INTS2: variants seen among roughly 807,000 people sequenced by gnomAD.
INTS2 encodes KIAA1287.
A neutral mutation model predicts 139.6 loss-of-function variants in INTS2; 57 were observed. The observed-to-expected ratio is 0.41, with a 90% CI of 0.33 to 0.51. The LOEUF is 0.51. INTS2 is among the 20% of genes least tolerant of loss of function. The pLI is 0.28. For missense variants in INTS2, 1,196 were observed against 1,436.7 expected (o/e 0.83, Z 2.71); for synonymous variants, 473 against 493.4 (o/e 0.96, Z 0.55).
intron 5 of INTS2, among the ~76,000 whole-genome samples, chr17:61,914,360 A>T (rs1342125841): frequency 1.3e-5 from 2 of 152,132 alleles, no homozygotes; most frequent in Admixed American, 6.6e-5. Flanking sequence ...AGTCTGAGAC[A>T]GCACGGGTAA....
intron 15 of INTS2, among the ~76,000 whole-genome samples, chr17:61,887,659 A>G (rs2145921965): frequency 6.6e-6 from 1 of 152,308 alleles, no homozygotes; most frequent in East Asian, 1.9e-4. Context: ...AAATTTAACA[A>G]AATTATTATA....
Position 61,925,034 on chromosome 17 carries a change from A to G in INTS2, c.359T>C (p.Leu120Ser), listed in dbSNP as rs773774292. 3.7e-6 allele frequency: 6 copies of G among 1,613,686 alleles called. No individual in the cohort carries two copies. The highest frequency in any genetic ancestry group is 5.1e-6 in the Non-Finnish European group (6 of 1,179,772). ...AGGTGAATCACTGTGTTCAAACTCT[A>G]ACGTCAGTCCATGCTGAAGCTGTGA... is the stretch of plus-strand genomic sequence containing the variant. ...LVSQLQHGLT[L>S]EFEHSDSPRR... is the part of the protein sequence containing the mutation. Residue 120 changes from leucine to serine, a missense_variant, in exon 3 of 25, where the codon TTA becomes TCA. Coordinates refer to ENST00000251334, the MANE Select transcript of INTS2 (RefSeq NM_001351695.2).
chr17:61,913,928 C>A (rs1313314631), intron 5 of INTS2, among the ~76,000 whole-genome samples: 1 of 151,586 alleles, frequency 6.6e-6, no homozygotes, highest in African/African-American at 2.4e-5. Flanking sequence ...GTTTATAATT[C>A]ATGTAAAAGT....
In INTS2 at chr17:61,893,498, C is replaced by T. The variant is rs2079316740; in HGVS notation, c.1698+267G>A. Among the ~76,000 whole-genome samples the T allele has an allele frequency of 6.6e-6, 1 of 152,082 alleles. No homozygotes were observed. Among genetic ancestry groups the T allele is most frequent in the African/African-American group, 2.4e-5 (1 of 41,392 alleles). ...ATCACTTGAGGTCAGGAGTTCGACA[C>T]CAGCCAGCCAACACGGTGAAACCCT... On this transcript the variant is annotated intron_variant, in intron 13 of 24. Coordinates refer to ENST00000251334, the MANE Select transcript of INTS2 (RefSeq NM_001351695.2). The surrounding 1 kb of genome is among the most constrained non-coding windows in gnomAD (Gnocchi z 5.4).
At chr17:61,912,745 A>T (rs2079540616) in intron 5 of INTS2, among the ~76,000 whole-genome samples, 1 of 152,066 alleles carries the variant, frequency 6.6e-6, no homozygotes, top group Non-Finnish European at 1.5e-5. Context: ...GAAACATCAT[A>T]CGTCAACTTT....
chr17:61,903,839 G>A (rs536287813), intron 9 of INTS2, among the ~76,000 whole-genome samples: 1 of 152,022 alleles, frequency 6.6e-6, no homozygotes, highest in South Asian at 2.1e-4. Context: ...TTTAGGACAG[G>A]GAGAAAAAAG....
intron 8 of INTS2, among the ~76,000 whole-genome samples, chr17:61,905,238 G>A (rs530617716): frequency 6.6e-6 from 1 of 152,082 alleles, no homozygotes; most frequent in Admixed American, 6.5e-5. Flanking sequence ...ACTGTACCCA[G>A]CCAGGAATTT....
In INTS2 at chr17:61,893,727, G is replaced by A; in HGVS notation, c.1698+38C>T. On this transcript the variant is annotated intron_variant, in intron 13 of 24. Coordinates refer to ENST00000251334, the MANE Select transcript of INTS2 (RefSeq NM_001351695.2). The surrounding 1 kb of genome is among the most constrained non-coding windows in gnomAD (Gnocchi z 5.4). ...AAAAAATATATATATAAAAATGTAG[G>A]GGCATGCTTTTATTTTGTTTTATTT... The A allele has an allele frequency of 7.0e-7, 1 of 1,430,474 alleles. No homozygotes were observed. Among genetic ancestry groups the A allele is most frequent in the Non-Finnish European group, 9.3e-7 (1 of 1,081,066 alleles). 88.6% of individuals were successfully genotyped at this position (1,430,474 alleles called of 1,614,324 possible). A position where few individuals can be genotyped will look rare whatever the true frequency, so the allele number is the denominator to read the frequency against.
At chr17:61,901,762 T>G (rs944448535) in intron 9 of INTS2, among the ~76,000 whole-genome samples, 4 of 151,548 alleles carry the variant, frequency 2.6e-5, no homozygotes, top group African/African-American at 7.3e-5. Context: ...GGCTAATATT[T>G]TTTTGTATTT....
In INTS2 at chr17:61,876,546, G is replaced by T. The variant is rs542404422; in HGVS notation, c.2456+1341C>A. Among the ~76,000 whole-genome samples the T allele has an allele frequency of 6.6e-6, 1 of 151,800 alleles. No individual in the cohort carries two copies. Among genetic ancestry groups the T allele is most frequent in the Non-Finnish European group, 1.5e-5 (1 of 67,942 alleles). ...CTCCATCTCCTGGGCTCAAGCGATC[G>T]TCCTGCCTCAGCCCACCAAGTAGCT... On this transcript the variant is annotated intron_variant, in intron 18 of 24. Transcript: ENST00000251334. This position sits in a 1 kb window ranked among gnomAD's most constrained non-coding sequence, Gnocchi z 4.1.
rs766818263 is a variant in INTS2 at position 61,884,920 on chromosome 17, C to A, written c.2070G>T (p.Gly690=). The A allele has an allele frequency of 6.2e-7, 1 of 1,605,388 alleles. No individual in the cohort carries two copies. The highest frequency in any genetic ancestry group is 1.3e-5 in the African/African-American group (1 of 74,904). Residue 690 remains glycine, a synonymous_variant, in exon 16 of 25, where the codon GGG becomes GGT. Transcript: ENST00000251334. ...ACATACCTCCCAACTCCTGCTGCAG[C>A]CCTTGAGCCTGTCGAATAAGGAATT... ...PIKFLIRQAQ[G]LQQELGGLHS...
chr17:61,920,180 CT>C (rs772038233), intron 4 of INTS2, among the ~76,000 whole-genome samples: 199 of 119,130 alleles, frequency 1.7e-3, no homozygotes, highest in Non-Finnish European at 2.3e-3. Context: ...ATCTTATTTG[CT>C]TTTTTTTTTT....
Position 61,869,488 on chromosome 17 carries a change from A to G in INTS2, c.3031-108T>C. The G allele has an allele frequency of 1.1e-6, 1 of 914,808 alleles. No individual in the cohort carries two copies. The highest frequency in any genetic ancestry group is 1.7e-6 in the Non-Finnish European group (1 of 596,906). The allele number at this position is 914,808 out of a possible 1,614,324, so 56.7% of individuals were successfully genotyped here. ...TTCCTTTCTGTAAAAATTGCTCAGA[A>G]GGCTATAGTGCCCCATATGTAACCT... On this transcript the variant is annotated intron_variant, in intron 21 of 24. Coordinates refer to ENST00000251334, the MANE Select transcript of INTS2 (RefSeq NM_001351695.2). The surrounding 1 kb of genome is among the most constrained non-coding windows in gnomAD (Gnocchi z 5.4).
intron 3 of INTS2, 25 bp from the exon 4 acceptor site, chr17:61,921,852 T>A (rs771589072): frequency 8.8e-7 from 1 of 1,139,942 alleles, no homozygotes; most frequent in South Asian, 1.4e-5. Context: ...AAAAAAGATA[T>A]AAACTCTATT....
chr17:61,889,916 C>T, intron 14 of INTS2, 22 bp from the exon 15 acceptor site: 1 of 1,367,150 alleles, frequency 7.3e-7, no homozygotes, highest in South Asian at 1.2e-5. Flanking sequence ...ATTACAAATA[C>T]TCTGAAATAC....
intron 9 of INTS2, 67 bp downstream of exon 9, chr17:61,904,393 T>C: frequency 9.1e-7 from 1 of 1,099,722 alleles, no homozygotes; most frequent in South Asian, 1.5e-5. Context: ...TATCTAATGC[T>C]ATACAATTTT....
Position 61,869,373 on chromosome 17 carries a change from G to A in INTS2, c.3038C>T (p.Pro1013Leu), listed in dbSNP as rs2079071175. 1 of 1,594,876 alleles carries A rather than the reference G, an allele frequency of 6.3e-7. No homozygotes were observed. Among genetic ancestry groups the A allele is most frequent in the Admixed American group, 1.7e-5 (1 of 58,128 alleles). Residue 1013 changes from proline (P) to leucine (L), a missense_variant, in exon 22 of 25, where the codon CCA becomes CTA. This residue lies in a region of INTS2 where 1,129 missense variants were observed against 1,341.9 expected (regional missense o/e 0.84). Transcript: ENST00000251334. The surrounding 1 kb of genome is among the most constrained non-coding windows in gnomAD (Gnocchi z 5.4). ...GACCGTCAGAGGCAAAAGTTCACAT[G>A]GATAACCCTATCTCAACAAGAAACG... ...IAKLVHFQGY[P>L]CELLPLTVAG...
chr17:61,885,384 G>T, intron 15 of INTS2: 1 of 171,990 alleles, frequency 5.8e-6, no homozygotes, highest in Non-Finnish European at 1.2e-5. Flanking sequence ...TGATTCCAAT[G>T]CATCTTATAA....
In INTS2 at chr17:61,866,475, T is replaced by A. The variant is rs1029900990; in HGVS notation, c.*1082A>T. 2.0e-5 allele frequency: 3 copies of A among 152,160 alleles called. No individual in the cohort carries two copies. Among genetic ancestry groups the A allele is most frequent in the Non-Finnish European group, 4.4e-5 (3 of 68,028 alleles). The allele number at this position is 152,160 out of a possible 1,614,324, so 9.4% of individuals were successfully genotyped here. ...GAATTACTTTCTACATTGATAATTT[T>A]TTTTTAATGATTAGGGTTTACCTGA... On this transcript the variant is annotated 3_prime_UTR_variant, in exon 25 of 25. Coordinates refer to ENST00000251334, the MANE Select transcript of INTS2 (RefSeq NM_001351695.2).
Sources: allele counts gnomAD v4.1 joint callset (sites outside exome capture counted in the v4.1 genomes callset), GRCh38; gene constraint gnomAD v4.1.1; regional missense constraint gnomAD v4.1.1; non-coding constraint Gnocchi (gnomAD v3.1); transcripts MANE v1.5; gene names NCBI Gene and HGNC (gene_info 2026-07-23, HGNC 2026-07-21).